Variants in LARS2 observed in about 807,000 individuals in gnomAD.
LARS2 encodes leucyl-tRNA synthetase 2, mitochondrial, also known as leucine--tRNA ligase, mitochondrial.
LARS2 carries 81 observed loss-of-function variants against 116.6 expected under a neutral mutation model. That is an observed-to-expected ratio of 0.69 (90% CI 0.58 to 0.84). The LOEUF is 0.84. Among genes scored for constraint, LARS2 ranks in the 40% least tolerant of loss-of-function variants. LARS2 has a pLI of 0.00. For synonymous variants in LARS2, 396 were observed against 407.2 expected (o/e 0.97, Z 0.33); for missense variants, 968 against 1,114.5 (o/e 0.87, Z 1.87).
chr3:45,457,984 C>A (rs1345445358), intron 7 of LARS2, among the ~76,000 whole-genome samples: 1 of 152,082 alleles, frequency 6.6e-6, no homozygotes, highest in African/African-American at 2.4e-5. Context: ...GTAGAAGGCA[C>A]AACAGAGTTT....
At chr3:45,485,852 A>G in intron 11 of LARS2, 56 bp downstream of exon 11, 1 of 1,036,486 alleles carries the variant, frequency 9.6e-7, no homozygotes, top group South Asian at 1.4e-5. Flanking sequence ...TTAGAATCAA[A>G]ATACTCCCCT....
intron 7 of LARS2, among the ~76,000 whole-genome samples, chr3:45,451,699 G>A (rs1326267419): frequency 6.6e-6 from 1 of 152,026 alleles, no homozygotes; most frequent in Admixed American, 6.5e-5. Flanking sequence ...GTCTTTTGTG[G>A]TTCCATACAG....
intron 6 of LARS2, among the ~76,000 whole-genome samples, chr3:45,429,454 A>C (rs9852794): frequency 2.0e-5 from 3 of 152,086 alleles, no homozygotes; most frequent in African/African-American, 7.2e-5. Context: ...AGCCTTCCAC[A>C]TGGCCCCCTC....
intron 6 of LARS2, among the ~76,000 whole-genome samples, chr3:45,426,974 T>C (rs1698604961): frequency 1.3e-5 from 2 of 152,188 alleles, no homozygotes; most frequent in African/African-American, 4.8e-5. Context: ...GACCTCAGTT[T>C]TGGTGATGGA....
intron 8 of LARS2, among the ~76,000 whole-genome samples, chr3:45,472,816 C>G (rs183834242): frequency 3.3e-5 from 5 of 152,304 alleles, no homozygotes; most frequent in Non-Finnish European, 1.5e-5. Context: ...AGACTTGTTT[C>G]CTCATCTGGG....
At chr3:45,444,528 G>C (rs1698982790) in intron 6 of LARS2, among the ~76,000 whole-genome samples, 1 of 144,914 alleles carries the variant, frequency 6.9e-6, no homozygotes, top group South Asian at 2.2e-4. Flanking sequence ...GCCGGGCGTA[G>C]TGGCGGGCGC....
chr3:45,523,737 A>G (rs1291997018), intron 19 of LARS2, among the ~76,000 whole-genome samples: 2 of 151,688 alleles, frequency 1.3e-5, no homozygotes, highest in Non-Finnish European at 2.9e-5. Context: ...AGGTCTCACT[A>G]TAGTGCCCAG....
chr3:45,511,671 G>A (rs950935854), intron 15 of LARS2, among the ~76,000 whole-genome samples: 3 of 151,782 alleles, frequency 2.0e-5, no homozygotes, highest in Admixed American at 6.6e-5. Flanking sequence ...AATTCTGTCC[G>A]TTCTCGGAAG....
At chr3:45,430,272 A>G (rs1276824090) in intron 6 of LARS2, among the ~76,000 whole-genome samples, 1 of 96,798 alleles carries the variant, frequency 1.0e-5, no homozygotes, top group East Asian at 3.4e-4. Flanking sequence ...GCACCCGGCC[A>G]TTTTTTTTTT....
chr3:45,527,147 A>T (rs1288085222), intron 20 of LARS2, among the ~76,000 whole-genome samples: 3 of 152,202 alleles, frequency 2.0e-5, no homozygotes, highest in Non-Finnish European at 4.4e-5. Context: ...ACACCTTCAG[A>T]TAACAATTTG....
At chr3:45,526,117 C>T (rs1177542172) in intron 20 of LARS2, among the ~76,000 whole-genome samples, 1 of 152,138 alleles carries the variant, frequency 6.6e-6, no homozygotes, top group East Asian at 1.9e-4. Context: ...AGTGGATCTA[C>T]AGGGGAGACA....
chr3:45,483,354 A>G (rs1699738661), intron 10 of LARS2, among the ~76,000 whole-genome samples: 1 of 152,236 alleles, frequency 6.6e-6, no homozygotes, highest in Admixed American at 6.5e-5. Flanking sequence ...TCTTTGAGAA[A>G]AGATAGTGTG....
At chr3:45,532,691 G>A (rs1700633922) in intron 20 of LARS2, among the ~76,000 whole-genome samples, 1 of 152,094 alleles carries the variant, frequency 6.6e-6, no homozygotes, top group African/African-American at 2.4e-5. Context: ...GCCCAGGCTG[G>A]AGTGCGGTGG....
chr3:45,400,875 G>A (rs1380437924), intron 4 of LARS2, among the ~76,000 whole-genome samples: 3 of 151,670 alleles, frequency 2.0e-5, no homozygotes, highest in Admixed American at 6.6e-5. Flanking sequence ...GTGCAGTGAC[G>A]CAGTCTCGGC....
intron 20 of LARS2, among the ~76,000 whole-genome samples, chr3:45,533,577 T>G (rs931982580): frequency 6.6e-6 from 1 of 152,212 alleles, no homozygotes; most frequent in Non-Finnish European, 1.5e-5. Context: ...TCATCTTCCT[T>G]CTTTGGCCCA....
At chr3:45,431,173 ACCAAGAAC>A (rs1206202856) in intron 6 of LARS2, among the ~76,000 whole-genome samples, 1 of 152,190 alleles carries the variant, frequency 6.6e-6, no homozygotes, top group African/African-American at 2.4e-5. Flanking sequence ...GAGGGTCCTC[ACCAAGAAC>A]CCAATCAGCC....
At chr3:45,453,846 G>T (rs1421423061) in intron 7 of LARS2, among the ~76,000 whole-genome samples, 1 of 152,080 alleles carries the variant, frequency 6.6e-6, no homozygotes, top group African/African-American at 2.4e-5. Context: ...TTCAGAAAAG[G>T]TCTTTGATAG....
At position 45,500,580 on chromosome 3, in the gene LARS2, G is replaced by A. The variant is rs756289253; in HGVS notation, c.1760+1G>A. On this transcript the variant is annotated splice_donor_variant, in intron 15 of 21. Transcript: ENST00000645846. LOFTEE classifies it high-confidence loss of function. Reference sequence around the variant, plus strand: ...ATGATCAAAAAATGGTTAAACATAGGTAAGCACTTATACTGCTTTGCAAAA... The same window carrying A: ...ATGATCAAAAAATGGTTAAACATAGATAAGCACTTATACTGCTTTGCAAAA... 3.2e-6 allele frequency: 5 copies of A among 1,564,082 alleles called. No individual in the cohort carries two copies. The highest frequency in any genetic ancestry group is 2.6e-6 in the Non-Finnish European group (3 of 1,162,530).
intron 20 of LARS2, among the ~76,000 whole-genome samples, chr3:45,524,736 T>C (rs984646426): frequency 6.6e-6 from 1 of 152,184 alleles, no homozygotes; most frequent in Non-Finnish European, 1.5e-5. Context: ...TAGAAATAGG[T>C]CATCTGAAAT....
Sources: allele counts gnomAD v4.1 joint callset (sites outside exome capture counted in the v4.1 genomes callset), GRCh38; gene constraint gnomAD v4.1.1; transcripts MANE v1.5; gene names NCBI Gene and HGNC (gene_info 2026-07-23, HGNC 2026-07-21).